CEP350: variants seen among roughly 807,000 people sequenced by gnomAD.
CEP350 encodes the protein centrosomal protein 350, also known as centrosome-associated protein 350.
Under a neutral mutation model 331.8 loss-of-function variants are expected in CEP350, and 126 were observed. That is an observed-to-expected ratio of 0.38 (90% CI 0.33 to 0.44). The LOEUF (loss-of-function observed/expected upper bound fraction) is 0.44. CEP350 is among the 20% of genes least tolerant of loss of function. The pLI is 1.00. For missense variants in CEP350, 3,406 were observed against 3,634.6 expected, an observed-to-expected ratio of 0.94 and a Z score of 1.62; for synonymous variants, 1,200 against 1,259.5, an observed-to-expected ratio of 0.95 and a Z score of 1.00.
At chr1:180,032,950 A>G (rs768813731) in intron 15 of CEP350, among the ~76,000 whole-genome samples, 2 of 152,174 alleles carry the variant, frequency 1.3e-5, no homozygotes, top group Non-Finnish European at 2.9e-5. Flanking sequence ...ATTAAGGGTC[A>G]AATAAACACA....
chr1:180,030,124 C>T (rs971241611), intron 14 of CEP350, among the ~76,000 whole-genome samples: 8 of 151,110 alleles, frequency 5.3e-5, no homozygotes, highest in African/African-American at 9.7e-5. Flanking sequence ...GCTATGAATA[C>T]GAGTATAAAG....
intron 37 of CEP350, among the ~76,000 whole-genome samples, chr1:180,100,387 AT>A (rs1660732829): frequency 6.6e-6 from 1 of 152,238 alleles, no homozygotes; most frequent in South Asian, 2.1e-4. Flanking sequence ...CTGAATTGTT[AT>A]TAATTTCCAA....
At chr1:179,957,403 TTTGTTG>T (rs145925292) in intron 1 of CEP350, among the ~76,000 whole-genome samples, 2 of 152,156 alleles carry the variant, frequency 1.3e-5, no homozygotes, top group East Asian at 1.9e-4. Flanking sequence ...TCTGTATTGA[TTTGTTG>T]TTGTTGTTGT....
chr1:180,079,305 T>C (rs1383183043), intron 29 of CEP350, among the ~76,000 whole-genome samples: 1 of 151,638 alleles, frequency 6.6e-6, no homozygotes, highest in East Asian at 1.9e-4. Flanking sequence ...TATACACAGA[T>C]GTTGTTAAAG....
chr1:180,091,018 T>C (rs74994833), intron 33 of CEP350, among the ~76,000 whole-genome samples: 1 of 151,912 alleles, frequency 6.6e-6, no homozygotes, highest in Non-Finnish European at 1.5e-5. Flanking sequence ...GTTTTTTTTT[T>C]GTTCGAGACA....
intron 37 of CEP350, among the ~76,000 whole-genome samples, chr1:180,103,725 G>T (rs1285692383): frequency 1.3e-5 from 2 of 151,864 alleles, no homozygotes; most frequent in Non-Finnish European, 2.9e-5. Flanking sequence ...TTTAAAAGAT[G>T]CTTCTTCCAG....
chr1:179,962,122 C>T (rs1235051496), intron 1 of CEP350, among the ~76,000 whole-genome samples: 1 of 152,144 alleles, frequency 6.6e-6, no homozygotes, highest in Non-Finnish European at 1.5e-5. Flanking sequence ...ACTGGTATTA[C>T]AGGCGTGAGC....
At chr1:179,969,394 G>A (rs1189795660) in intron 1 of CEP350, 7 of 513,536 alleles carry the variant, frequency 1.4e-5, no homozygotes, top group Non-Finnish European at 2.7e-5. Flanking sequence ...GCGTGCGGGT[G>A]CCCTCTGTGC....
chr1:179,985,016 T>G (rs1266328191), intron 1 of CEP350, among the ~76,000 whole-genome samples: 1 of 152,124 alleles, frequency 6.6e-6, no homozygotes, highest in East Asian at 1.9e-4. Context: ...ATAACAAAAT[T>G]TACCATTACA....
chr1:179,978,083 C>T (rs552716289), intron 1 of CEP350, among the ~76,000 whole-genome samples: 72 of 151,960 alleles, frequency 4.7e-4, no homozygotes, highest in African/African-American at 1.7e-3. Flanking sequence ...TTTTTCAGCT[C>T]CAATATAGTT....
intron 27 of CEP350, chr1:180,073,933 A>C: frequency 7.7e-7 from 1 of 1,302,136 alleles, no homozygotes; most frequent in Non-Finnish European, 1.0e-6. Context: ...TTTTCAGTGC[A>C]CTCTTTGATA....
At chr1:179,959,812 CTA>C (rs111367042) in intron 1 of CEP350, among the ~76,000 whole-genome samples, 5,272 of 152,170 alleles carry the variant, frequency 0.035, 168 homozygotes, top group South Asian at 0.071. Flanking sequence ...TTAGGAAAAT[CTA>C]TAATAAATAT....
intron 1 of CEP350, among the ~76,000 whole-genome samples, chr1:179,983,506 A>G (rs999958610): frequency 3.3e-5 from 5 of 152,230 alleles, no homozygotes; most frequent in Non-Finnish European, 7.3e-5. Context: ...AAGTGCTGGG[A>G]TTACAGGCTT....
At chr1:180,002,084 A>G in intron 6 of CEP350, among the ~76,000 whole-genome samples, 1 of 152,242 alleles carries the variant, frequency 6.6e-6, no homozygotes, top group Non-Finnish European at 1.5e-5. Context: ...TATACCCACT[A>G]GGGTGGCTAT....
chr1:180,014,773 G>A (rs1654864207), intron 10 of CEP350, among the ~76,000 whole-genome samples: 2 of 152,056 alleles, frequency 1.3e-5, no homozygotes, highest in Non-Finnish European at 2.9e-5. Context: ...AGTTTTCATT[G>A]TAGTACTGAA....
At position 180,020,434 on chromosome 1, in the gene CEP350, A is replaced by G; in HGVS notation, c.2660A>G (p.Asp887Gly). The G allele has an allele frequency of 6.2e-7, 1 of 1,613,930 alleles. No individual in the cohort carries two copies. The highest frequency in any genetic ancestry group is 8.5e-7 in the Non-Finnish European group (1 of 1,179,892). ...CCACCTGTGAAAGATGATAATGAAG[A>G]TGTTTTCTCTGCCAGAATTCAGAAG... The part of the protein sequence containing the change: ...VTPPVKDDNE[D>G]VFSARIQKML... The change falls in exon 12 of 38, where the codon GAT becomes GGT. Residue 887 changes from aspartate to glycine, a missense_variant. By Grantham distance (94) the Asp-to-Gly change is moderately conservative. Coordinates refer to ENST00000367607, the MANE Select transcript of CEP350 (RefSeq NM_014810.5).
At chr1:180,100,851 G>T (rs1660760418) in intron 37 of CEP350, among the ~76,000 whole-genome samples, 1 of 152,192 alleles carries the variant, frequency 6.6e-6, no homozygotes, top group South Asian at 2.1e-4. Context: ...AGACTTAATT[G>T]CTATCACGAG....
chr1:180,111,145 G>A lies in CEP350; in HGVS notation c.9338G>A (p.Arg3113Lys). The change falls in exon 38 of 38, where the codon AGA becomes AAA. Residue 3113 changes from arginine to lysine, a missense_variant. Transcript: ENST00000367607. ...AATCAGATCAGTGAAAAGCAGGGGA[G>A]AATGCTACTTGTGTGACATCTTGCA... Reference protein sequence around the residue: ...VLNQISEKQGRMLLV With the variant: ...VLNQISEKQGKMLLV 1 of 1,613,932 alleles carries A rather than the reference G, an allele frequency of 6.2e-7. No homozygotes were observed. Among genetic ancestry groups the A allele is most frequent in the Non-Finnish European group, 8.5e-7 (1 of 1,179,834 alleles).
intron 1 of CEP350, among the ~76,000 whole-genome samples, chr1:179,978,934 G>A (rs1376435040): frequency 6.6e-6 from 1 of 152,040 alleles, no homozygotes; most frequent in African/African-American, 2.4e-5. Context: ...TTATAGACAG[G>A]ATATAGTTCC....
Sources: allele counts gnomAD v4.1 joint callset (sites outside exome capture counted in the v4.1 genomes callset), GRCh38; gene constraint gnomAD v4.1.1; transcripts MANE v1.5; gene names NCBI Gene and HGNC (gene_info 2026-07-23, HGNC 2026-07-21).